Variants in TBC1D22B observed in about 807,000 individuals in gnomAD.
TBC1D22B encodes the protein TBC1 domain family member 22B.
Under a neutral mutation model 69.1 loss-of-function variants are expected in TBC1D22B, and 32 were observed. That is an observed-to-expected ratio of 0.46 (90% CI 0.35 to 0.62). The LOEUF is 0.62. TBC1D22B is among the 20% of genes least tolerant of loss of function. The pLI is 0.00. For synonymous variants in TBC1D22B, 206 were observed against 229.8 expected (o/e 0.90, Z 0.94); for missense variants, 462 against 630.9 (o/e 0.73, Z 2.87).
chr6:37,324,655 CAA>C (rs928175018), intron 12 of TBC1D22B, among the ~76,000 whole-genome samples: 1 of 144,698 alleles, frequency 6.9e-6, no homozygotes, highest in African/African-American at 2.5e-5. Flanking sequence ...TAAAAATGAA[CAA>C]AAAAAAAAAG....
intron 10 of TBC1D22B, among the ~76,000 whole-genome samples, chr6:37,314,488 C>T (rs1768018029): frequency 6.6e-6 from 1 of 152,112 alleles, no homozygotes; most frequent in African/African-American, 2.4e-5. Flanking sequence ...TGTGGCTCTT[C>T]CTAAGGCACA....
chr6:37,282,949 G>T lies in TBC1D22B; in HGVS notation c.669G>T (p.Leu223=), dbSNP rs764071072. 1.2e-6 allele frequency: 2 copies of T among 1,613,562 alleles called. No homozygotes were observed. The highest frequency in any genetic ancestry group is 8.5e-7 in the Non-Finnish European group (1 of 1,179,680). The change falls in exon 5 of 13, where the codon CTG becomes CTT. Residue 223 remains leucine (L), a synonymous_variant. Transcript: ENST00000373491. ...TTCGACCTATAACCTGGAGACTCCT[G>T]TCGGTGAGTTCTACCCACTGTGTAG... ...REVRPITWRL[L]SGYLPANTER... is the part of the protein sequence containing the mutation.
rs935204846 is a variant in TBC1D22B, at chr6:37,258,110, G to A, written c.56+137G>A. The A allele has an allele frequency of 6.1e-6, 6 of 990,818 alleles. No individual in the cohort carries two copies. In the African/African-American group the frequency reaches 8.5e-5, roughly 14 times the overall value. The allele number at this position is 990,818 out of a possible 1,614,324, so 61.4% of individuals were successfully genotyped here. A position where few individuals can be genotyped will look rare whatever the true frequency, so the allele number is the denominator to read the frequency against. ...AAGCTGGGACTGCCTGGTGGCGGCA[G>A]GGCAGCTGTCAGGCAGCGAAGCGAA... On this transcript the variant is annotated intron_variant, in intron 1 of 12. Transcript: ENST00000373491.
rs192290714 is a variant in TBC1D22B, at chr6:37,328,086, G to T, written c.1390-2958G>T. Among the ~76,000 whole-genome samples the T allele has an allele frequency of 5.1e-3, 720 of 140,158 alleles. 5 individuals are homozygous for T. Among genetic ancestry groups the T allele is most frequent in the African/African-American group, 0.02 (673 of 33,078 alleles). The allele number at this position is 140,158 out of a possible 152,430, so 91.9% of individuals were successfully genotyped here. On this transcript the variant is annotated intron_variant, in intron 12 of 12. Coordinates refer to ENST00000373491, the MANE Select transcript of TBC1D22B (RefSeq NM_017772.4). ...CCCAGCACTTTGGGAGGCTGAGGCG[G>T]GCGGATCACCTGAGGTCAGGAGTTC...
intron 1 of TBC1D22B, among the ~76,000 whole-genome samples, chr6:37,267,526 C>CTATATATATAATATATATATACAA (rs1766343942): frequency 1.8e-5 from 1 of 56,604 alleles, no homozygotes; most frequent in African/African-American, 6.9e-5. Flanking sequence ...TATATATACA[C>CTATATATATAATATATATATACAA]TATATATATA....
At chr6:37,277,352 G>A (rs532534341) in intron 2 of TBC1D22B, among the ~76,000 whole-genome samples, 1 of 152,190 alleles carries the variant, frequency 6.6e-6, no homozygotes, top group Non-Finnish European at 1.5e-5. Context: ...TGGTACTGCA[G>A]GTGGTAGATC....
At chr6:37,295,262 A>T (rs1486614091) in intron 8 of TBC1D22B, among the ~76,000 whole-genome samples, 1 of 151,928 alleles carries the variant, frequency 6.6e-6, no homozygotes, top group Admixed American at 6.6e-5. Flanking sequence ...GCGCCACCAT[A>T]CCCAGCCAAT....
intron 8 of TBC1D22B, among the ~76,000 whole-genome samples, chr6:37,294,900 C>G (rs1346533802): frequency 1.3e-5 from 2 of 152,126 alleles, no homozygotes; most frequent in African/African-American, 4.8e-5. Context: ...GTCATTTCAA[C>G]TTATGAGTCT....
intron 8 of TBC1D22B, among the ~76,000 whole-genome samples, chr6:37,299,768 G>T (rs886987078): frequency 2.0e-5 from 3 of 152,136 alleles, no homozygotes; most frequent in African/African-American, 7.2e-5. Context: ...CCAGCACTTT[G>T]GGAGGCTGAG....
intron 1 of TBC1D22B, among the ~76,000 whole-genome samples, chr6:37,259,554 C>T (rs954097471): frequency 5.3e-5 from 8 of 152,072 alleles, no homozygotes; most frequent in Non-Finnish European, 1.0e-4. Context: ...TTGCTATTAA[C>T]AATCTTTTTT....
intron 1 of TBC1D22B, among the ~76,000 whole-genome samples, chr6:37,258,530 T>C (rs1045355550): frequency 6.6e-6 from 1 of 152,202 alleles, no homozygotes; most frequent in Non-Finnish European, 1.5e-5. Context: ...CTAGGAATTA[T>C]TACAAGACGA....
chr6:37,290,881 T>C (rs1767157736), intron 7 of TBC1D22B, among the ~76,000 whole-genome samples: 1 of 152,206 alleles, frequency 6.6e-6, no homozygotes, highest in Non-Finnish European at 1.5e-5. Flanking sequence ...CCTGATATCT[T>C]GCTCTTGGAA....
At chr6:37,308,020 G>A (rs958770595) in intron 8 of TBC1D22B, among the ~76,000 whole-genome samples, 6 of 152,314 alleles carry the variant, frequency 3.9e-5, no homozygotes, top group Admixed American at 1.3e-4. Context: ...ACAGTTGACT[G>A]GAGCCATCAC....
chr6:37,300,888 A>G (rs145813609), intron 8 of TBC1D22B, among the ~76,000 whole-genome samples: 10 of 152,336 alleles, frequency 6.6e-5, no homozygotes, highest in African/African-American at 1.4e-4. Flanking sequence ...CTGTGGGCAC[A>G]TGGTTGTACA....
At position 37,282,949 on chromosome 6, in the gene TBC1D22B, G is replaced by C. The variant is rs764071072; in HGVS notation, c.669G>C (p.Leu223=). 1 of 1,613,562 alleles carries C rather than the reference G, an allele frequency of 6.2e-7. No individual in the cohort carries two copies. The highest frequency in any genetic ancestry group is 1.3e-5 in the African/African-American group (1 of 74,912). The change falls in exon 5 of 13, where the codon CTG becomes CTC. Residue 223 remains leucine (L), a synonymous_variant. Transcript: ENST00000373491. ...REVRPITWRL[L]SGYLPANTER... is the part of the protein sequence containing the mutation. ...TTCGACCTATAACCTGGAGACTCCT[G>C]TCGGTGAGTTCTACCCACTGTGTAG...
At chr6:37,330,267 T>A (rs1768546361) in intron 12 of TBC1D22B, among the ~76,000 whole-genome samples, 1 of 120,202 alleles carries the variant, frequency 8.3e-6, no homozygotes, top group Admixed American at 1.1e-4. Flanking sequence ...TGAGACAGAG[T>A]CTCACTCAGT....
At chr6:37,330,594 T>C (rs927928921) in intron 12 of TBC1D22B, among the ~76,000 whole-genome samples, 15 of 152,142 alleles carry the variant, frequency 9.9e-5, no homozygotes, top group African/African-American at 2.9e-4. Flanking sequence ...TGCAGCAAGC[T>C]GTGATTGCGT....
intron 8 of TBC1D22B, among the ~76,000 whole-genome samples, chr6:37,299,269 C>T (rs986985201): frequency 1.3e-5 from 2 of 152,102 alleles, no homozygotes; most frequent in African/African-American, 4.8e-5. Flanking sequence ...ATTGACCTGT[C>T]TTGTTTTGTA....
intron 7 of TBC1D22B, among the ~76,000 whole-genome samples, chr6:37,287,567 A>G (rs989434885): frequency 3.9e-5 from 6 of 152,202 alleles, no homozygotes; most frequent in South Asian, 4.1e-4. Flanking sequence ...TGCAGCCTCC[A>G]TTCTATTTGT....
Sources: allele counts gnomAD v4.1 joint callset (sites outside exome capture counted in the v4.1 genomes callset), GRCh38; gene constraint gnomAD v4.1.1; transcripts MANE v1.5; gene names NCBI Gene and HGNC (gene_info 2026-07-23, HGNC 2026-07-21).